DNAJC15: variants seen among roughly 807,000 people sequenced by gnomAD.
The protein encoded by DNAJC15 is dnaJ homolog subfamily C member 15.
DNAJC15 carries 27 observed loss-of-function variants against 22.4 expected under a neutral mutation model. The observed-to-expected ratio is 1.20, with a 90% confidence interval of 0.89 to 1.66. DNAJC15 has a LOEUF of 1.66. Among genes scored for constraint, DNAJC15 ranks in the 40% most tolerant of loss-of-function variants. DNAJC15 has a pLI of 0.00. For missense variants in DNAJC15, 208 were observed against 187.1 expected, an observed-to-expected ratio of 1.11 and a Z score of -0.65; for synonymous variants, 79 against 63.2, an observed-to-expected ratio of 1.25 and a Z score of -1.19.
At chr13:43,100,584 G>A (rs2040763676) in intron 5 of DNAJC15, among the ~76,000 whole-genome samples, 1 of 152,126 alleles carries the variant, frequency 6.6e-6, no homozygotes, top group South Asian at 2.1e-4. Flanking sequence ...CCCATAAGCT[G>A]TGGGTGGTGT....
chr13:43,078,485 C>T (rs1002598354), intron 3 of DNAJC15, 127 bp from the exon 4 acceptor site: 4 of 605,506 alleles, frequency 6.6e-6, no homozygotes, highest in African/African-American at 1.9e-5. Flanking sequence ...GTGCTTCCCC[C>T]CGCCCCATAA....
In DNAJC15 at chr13:43,104,530, C is replaced by T. The variant is rs149155212; in HGVS notation, c.383-2648C>T. Among the ~76,000 whole-genome samples, 270 of 152,084 alleles carry T rather than the reference C, an allele frequency of 1.8e-3. 2 individuals carry two copies. The highest frequency in any genetic ancestry group is 6.2e-3 in the African/African-American group (256 of 41,474). On this transcript the variant is annotated intron_variant, in intron 5 of 5. Coordinates refer to ENST00000379221, the MANE Select transcript of DNAJC15 (RefSeq NM_013238.3). ...CATGATGGTTCACAATAGCCAGAAG[C>T]AGAAGACTTCTGGCCATATTTAGTG...
chr13:43,036,152 TTTTCAG>T (rs72418700), intron 1 of DNAJC15, among the ~76,000 whole-genome samples: 31,151 of 149,960 alleles, frequency 0.21, 3,414 homozygotes, highest in South Asian at 0.37. Flanking sequence ...GACAAAATGT[TTTTCAG>T]TTTCTGTCTT....
chr13:43,079,423 AAC>A (rs1486559449), intron 4 of DNAJC15, among the ~76,000 whole-genome samples: 3 of 152,164 alleles, frequency 2.0e-5, no homozygotes, highest in African/African-American at 7.2e-5. Context: ...AAAAAGCCAA[AAC>A]ATTTTATTAT....
intron 1 of DNAJC15, among the ~76,000 whole-genome samples, chr13:43,034,109 A>G (rs886620410): frequency 2.6e-5 from 4 of 151,584 alleles, no homozygotes; most frequent in Non-Finnish European, 2.9e-5. Flanking sequence ...GTTTGTTGCA[A>G]TTGATGTTGA....
rs550237270 is a variant in DNAJC15 at position 43,097,436 on chromosome 13, C to T, written c.383-9742C>T. The stretch of plus-strand genomic sequence containing the variant: ...GCTAAATGATAGAGTGGCTTGCAAG[C>T]CATACTACAAACTTCAGGTTTTACT... On this transcript the variant is annotated intron_variant, in intron 5 of 5. Transcript: ENST00000379221. 5.3e-5 allele frequency among the ~76,000 whole-genome samples: 8 copies of T among 152,234 alleles called. No individual in the cohort carries two copies. The South Asian group carries it at 1.7e-3, about 32-fold the overall frequency.
rs551119166 is a variant in DNAJC15, at chr13:43,025,985, GAAGT to G, written c.108+2254_108+2257del. Among the ~76,000 whole-genome samples, 5 of 152,334 alleles carry G rather than the reference GAAGT, an allele frequency of 3.3e-5. No homozygotes were observed. In the South Asian group the frequency reaches 1.0e-3, roughly 32 times the overall value. On this transcript the variant is annotated intron_variant, in intron 1 of 5. Transcript: ENST00000379221. ...ACATTACTACATTAGAAAACATAAT[GAAGT>G]AATTATTAGTTGCTGTCATATTACA...
chr13:43,093,132 C>G (rs946958306), intron 5 of DNAJC15, among the ~76,000 whole-genome samples: 2 of 152,042 alleles, frequency 1.3e-5, no homozygotes, highest in Non-Finnish European at 2.9e-5. Flanking sequence ...CCAGTTGATT[C>G]TTTTTTATGA....
chr13:43,092,790 A>G (rs560854299), intron 5 of DNAJC15, among the ~76,000 whole-genome samples: 6 of 152,300 alleles, frequency 3.9e-5, no homozygotes, highest in African/African-American at 1.2e-4. Context: ...GGCACATGCC[A>G]GTTGTTCCAG....
chr13:43,039,422 A>G (rs977734283), intron 1 of DNAJC15, among the ~76,000 whole-genome samples: 1 of 152,228 alleles, frequency 6.6e-6, no homozygotes, highest in African/African-American at 2.4e-5. Flanking sequence ...GTACCTTTCC[A>G]TGCAATCAAA....
intron 1 of DNAJC15, among the ~76,000 whole-genome samples, chr13:43,050,499 C>T (rs866241456): frequency 5.9e-5 from 9 of 151,858 alleles, no homozygotes; most frequent in Non-Finnish European, 8.8e-5. Flanking sequence ...CTTGTGTTGC[C>T]GAGGCTGGTC....
intron 1 of DNAJC15, among the ~76,000 whole-genome samples, chr13:43,058,272 G>C (rs1023787100): frequency 3.9e-5 from 6 of 152,228 alleles, no homozygotes; most frequent in African/African-American, 1.2e-4. Flanking sequence ...GGGGATACAA[G>C]CTTGCCCTAA....
intron 1 of DNAJC15, among the ~76,000 whole-genome samples, chr13:43,035,724 T>G (rs1374637159): frequency 6.6e-6 from 1 of 152,160 alleles, no homozygotes; most frequent in South Asian, 2.1e-4. Flanking sequence ...TTAATTTTAA[T>G]ATTTTATTTC....
At chr13:43,027,310 G>T (rs1490839985) in intron 1 of DNAJC15, among the ~76,000 whole-genome samples, 1 of 152,166 alleles carries the variant, frequency 6.6e-6, no homozygotes. Context: ...AGGTAAATGT[G>T]TGCCGTGGTG....
chr13:43,033,800 G>A (rs1437943214), intron 1 of DNAJC15, among the ~76,000 whole-genome samples: 3 of 152,020 alleles, frequency 2.0e-5, no homozygotes, highest in African/African-American at 7.2e-5. Context: ...AGGCCAAGGT[G>A]GGTAGATAAC....
chr13:43,023,821 T>G (rs749992931), intron 1 of DNAJC15, 87 bp downstream of exon 1: 139 of 1,239,374 alleles, frequency 1.1e-4, no homozygotes, highest in Non-Finnish European at 1.5e-4. Context: ...CTTGAACCTT[T>G]GTACTCCCCC....
At chr13:43,029,668 G>T (rs1481314811) in intron 1 of DNAJC15, among the ~76,000 whole-genome samples, 1 of 151,454 alleles carries the variant, frequency 6.6e-6, no homozygotes, top group Non-Finnish European at 1.5e-5. Flanking sequence ...TTGTTATTTT[G>T]GTTTTTTTAG....
At chr13:43,037,159 G>A (rs573629136) in intron 1 of DNAJC15, among the ~76,000 whole-genome samples, 14 of 152,370 alleles carry the variant, frequency 9.2e-5, no homozygotes, top group Non-Finnish European at 8.8e-5. Context: ...CAGACGGGCC[G>A]TAGCAGCCAC....
chr13:43,046,982 T>C (rs902122149), intron 1 of DNAJC15, among the ~76,000 whole-genome samples: 8 of 152,168 alleles, frequency 5.3e-5, no homozygotes, highest in Non-Finnish European at 1.2e-4. Context: ...TTCTCTTCCA[T>C]GACCCACAGC....
Sources: allele counts gnomAD v4.1 joint callset (sites outside exome capture counted in the v4.1 genomes callset), GRCh38; gene constraint gnomAD v4.1.1; transcripts MANE v1.5; gene names NCBI Gene and HGNC (gene_info 2026-07-23, HGNC 2026-07-21).